NELL1: variants seen among roughly 807,000 people sequenced by gnomAD.
NELL1 encodes the protein protein kinase C-binding protein NELL1.
In NELL1, 76 loss-of-function variants were observed where a neutral mutation model predicts 107.4. That is an observed-to-expected ratio of 0.71 (90% CI 0.59 to 0.86). NELL1 has a LOEUF of 0.86. NELL1 is among the 40% of genes least tolerant of loss of function. The pLI is 0.00. For synonymous variants in NELL1, 353 were observed against 341.2 expected (o/e 1.03, Z -0.38); for missense variants, 1,024 against 1,005.5 (o/e 1.02, Z -0.25).
chr11:20,741,608 C>T (rs1432250047), intron 2 of NELL1, among the ~76,000 whole-genome samples: 2 of 152,116 alleles, frequency 1.3e-5, no homozygotes, highest in African/African-American at 4.8e-5. Flanking sequence ...ATCCTAAGAA[C>T]TTTTCAGAGA....
At chr11:21,179,044 G>C (rs966427151) in intron 13 of NELL1, among the ~76,000 whole-genome samples, 6 of 151,778 alleles carry the variant, frequency 4.0e-5, no homozygotes, top group East Asian at 1.9e-4. Flanking sequence ...GAATGACCTC[G>C]GTTCTTCCAA....
intron 14 of NELL1, chr11:21,262,646 A>G (rs924832823): frequency 4.0e-5 from 6 of 151,552 alleles, no homozygotes; most frequent in African/African-American, 1.5e-4. Flanking sequence ...AGGTTCCTGT[A>G]TGGAATTTGA....
intron 3 of NELL1, among the ~76,000 whole-genome samples, chr11:20,838,683 T>A (rs953805470): frequency 6.6e-6 from 1 of 152,036 alleles, no homozygotes; most frequent in Non-Finnish European, 1.5e-5. Context: ...AATAAAAAAA[T>A]TTAGAAAACT....
intron 13 of NELL1, among the ~76,000 whole-genome samples, chr11:21,214,375 T>C (rs1162311288): frequency 6.6e-6 from 1 of 152,112 alleles, no homozygotes; most frequent in East Asian, 1.9e-4. Flanking sequence ...AATCCAGTTA[T>C]AAAATGGGCA....
intron 13 of NELL1, among the ~76,000 whole-genome samples, chr11:21,211,885 G>A (rs1857505155): frequency 1.3e-5 from 2 of 152,048 alleles, no homozygotes; most frequent in East Asian, 1.9e-4. Context: ...GAGTGTAGTG[G>A]TGTGATCCCA....
intron 12 of NELL1, among the ~76,000 whole-genome samples, chr11:21,052,692 A>G (rs1375781079): frequency 6.6e-6 from 1 of 152,058 alleles, no homozygotes; most frequent in African/African-American, 2.4e-5. Flanking sequence ...TAGTTTGGTC[A>G]CTGATGAGGT....
intron 14 of NELL1, among the ~76,000 whole-genome samples, chr11:21,313,155 A>C (rs1301527368): frequency 6.6e-6 from 1 of 152,156 alleles, no homozygotes; most frequent in Non-Finnish European, 1.5e-5. Context: ...TGAATGAGGC[A>C]TGATCTCTTC....
At chr11:21,007,880 A>G (rs1223128518) in intron 12 of NELL1, among the ~76,000 whole-genome samples, 1 of 152,174 alleles carries the variant, frequency 6.6e-6, no homozygotes, top group Non-Finnish European at 1.5e-5. Context: ...AGATGTCAAT[A>G]TGAATAGAAA....
chr11:21,485,398 C>T (rs1285258985), intron 15 of NELL1, among the ~76,000 whole-genome samples: 3 of 151,986 alleles, frequency 2.0e-5, no homozygotes, highest in African/African-American at 7.2e-5. Context: ...CTGAGAGTGG[C>T]CCCCATCCTC....
At chr11:21,286,443 T>G (rs1287831106) in intron 14 of NELL1, among the ~76,000 whole-genome samples, 1 of 152,152 alleles carries the variant, frequency 6.6e-6, no homozygotes, top group Non-Finnish European at 1.5e-5. Context: ...TCTTTTCAAG[T>G]GGAGCAAGGG....
chr11:21,180,311 C>A (rs1021621103), intron 13 of NELL1, among the ~76,000 whole-genome samples: 2 of 151,678 alleles, frequency 1.3e-5, no homozygotes, highest in South Asian at 4.1e-4. Flanking sequence ...TGCAAATCAG[C>A]GGGTGTTAAT....
chr11:21,059,087 T>A (rs1287329849), intron 12 of NELL1, among the ~76,000 whole-genome samples: 1 of 152,144 alleles, frequency 6.6e-6, no homozygotes, highest in African/African-American at 2.4e-5. Context: ...ACAGGATGAA[T>A]TGTGAAATCC....
At chr11:21,196,399 T>G (rs1272829347) in intron 13 of NELL1, among the ~76,000 whole-genome samples, 2 of 152,120 alleles carry the variant, frequency 1.3e-5, no homozygotes, top group Non-Finnish European at 2.9e-5. Context: ...ATTTTCTCAC[T>G]CCACTTCTGC....
At chr11:21,019,757 G>A (rs887235300) in intron 12 of NELL1, among the ~76,000 whole-genome samples, 3 of 152,038 alleles carry the variant, frequency 2.0e-5, no homozygotes, top group African/African-American at 7.2e-5. Flanking sequence ...CTGTCCCAGA[G>A]TTCCAGGGCC....
At chr11:21,397,722 A>C (rs1394606282) in intron 15 of NELL1, among the ~76,000 whole-genome samples, 2 of 151,668 alleles carry the variant, frequency 1.3e-5, no homozygotes, top group Non-Finnish European at 1.5e-5. Flanking sequence ...ATGTGTTTAA[A>C]TTTTCACCCT....
At chr11:21,223,627 T>A (rs1174635109) in intron 13 of NELL1, among the ~76,000 whole-genome samples, 1 of 152,194 alleles carries the variant, frequency 6.6e-6, no homozygotes, top group Non-Finnish European at 1.5e-5. Flanking sequence ...TGGTTGTTTT[T>A]TATACCCTTT....
chr11:21,523,012 T>A (rs941290287), intron 15 of NELL1, among the ~76,000 whole-genome samples: 7 of 149,404 alleles, frequency 4.7e-5, no homozygotes, highest in African/African-American at 1.7e-4. Context: ...GCCCGGCTGA[T>A]TTTTTTGTAT....
In NELL1 at chr11:21,483,886, T is replaced by TATATATATATAAA. The variant is rs1223956842; in HGVS notation, c.1646-50477_1646-50476insAAATATATATATA. 3.0e-4 allele frequency among the ~76,000 whole-genome samples: 42 copies of TATATATATATAAA among 140,372 alleles called. 1 individual carries two copies. The highest frequency in any genetic ancestry group is 1.0e-3 in the East Asian group (5 of 4,894). The allele number at this position is 140,372 out of a possible 152,430, so 92.1% of individuals were successfully genotyped here. A position where few individuals can be genotyped will look rare whatever the true frequency, so the allele number is the denominator to read the frequency against. ...ATATACAAACACACACACACACACATATATATATATATATAAAATATTCCA... is the reference window on the plus strand; with the variant it reads ...ATATACAAACACACACACACACACATATATATATATAAAATATATATATATATAAAATATTCCA... On this transcript the variant is annotated intron_variant, in intron 15 of 19. Coordinates refer to ENST00000357134, the MANE Select transcript of NELL1 (RefSeq NM_006157.5).
At chr11:21,294,689 T>C (rs1445418987) in intron 14 of NELL1, among the ~76,000 whole-genome samples, 3 of 152,054 alleles carry the variant, frequency 2.0e-5, no homozygotes, top group Non-Finnish European at 4.4e-5. Flanking sequence ...GAAATTTACC[T>C]GAGGTCACAC....
Sources: gnomAD v4.1 joint callset for allele counts (sites outside exome capture counted in the v4.1 genomes callset) on GRCh38, gnomAD v4.1.1 for gene constraint, MANE v1.5 for transcripts, NCBI Gene and HGNC (gene_info 2026-07-23, HGNC 2026-07-21) for gene names.